Variants in ZNF224 observed in about 807,000 individuals in gnomAD.
ZNF224 encodes the protein zinc finger protein 224.
In ZNF224, 8 loss-of-function variants were observed where a neutral mutation model predicts 10.5. The observed-to-expected ratio is 0.76, with a 90% CI of 0.45 to 1.37. ZNF224 has a LOEUF of 1.37. Ranked by LOEUF, ZNF224 falls within the 40% of genes most tolerant of loss-of-function variation. The pLI, the probability that ZNF224 is intolerant of heterozygous loss-of-function variation, is 0.00. For missense variants in ZNF224, 754 were observed against 854.0 expected (o/e 0.88, Z 1.46); for synonymous variants, 282 against 287.8 (o/e 0.98, Z 0.20).
At position 44,107,857 on chromosome 19, in the gene ZNF224, A is replaced by T. The variant is rs1185086048; in HGVS notation, c.1697A>T (p.Lys566Ile). Reference sequence around the variant, plus strand: ...CATCAGAGACTGCACAGTGGAGAAAAACCATTCAAATGTGAAGAGTGTGGG... The same window carrying T: ...CATCAGAGACTGCACAGTGGAGAAATACCATTCAAATGTGAAGAGTGTGGG... ...LKHQRLHSGE[K>I]PFKCEECGKR... The change falls in exon 6 of 6, where the codon AAA (lysine) becomes ATA (isoleucine). Residue 566 changes from lysine to isoleucine, a missense_variant. By Grantham distance (102) the Lys-to-Ile change is moderately radical. Transcript: ENST00000693561. The T allele has an allele frequency of 6.2e-7, 1 of 1,601,764 alleles. No individual in the cohort carries two copies. The highest frequency in any genetic ancestry group is 8.5e-7 in the Non-Finnish European group (1 of 1,172,474).
At chr19:44,104,099 T>C (rs1967599338) in intron 5 of ZNF224, among the ~76,000 whole-genome samples, 2 of 152,178 alleles carry the variant, frequency 1.3e-5, no homozygotes, top group East Asian at 3.8e-4. Flanking sequence ...CACCTTTCAT[T>C]GTCTCATCAG....
Position 44,107,594 on chromosome 19 carries a change from C to CAGTGG in ZNF224, c.1437_1441dup (p.Glu481ValfsTer78), listed in dbSNP as rs780203346. On this transcript the variant is annotated frameshift_variant, in exon 6 of 6. Transcript: ENST00000693561. LOFTEE classifies it low-confidence loss of function (END_TRUNC). ...GTCTTTTGAAACATGAGAGACTCCA[C>CAGTGG]AGTGGAGAAAAACCATTCCAATGTG... is the stretch of plus-strand genomic sequence containing the variant. The CAGTGG allele has an allele frequency of 6.2e-7, 1 of 1,613,736 alleles. No individual in the cohort carries two copies. The highest frequency in any genetic ancestry group is 2.2e-5 in the East Asian group (1 of 44,888).
Position 44,106,430 on chromosome 19 carries a change from A to G in ZNF224, c.270A>G (p.Ser90=). Residue 90 remains serine (S), a synonymous_variant, in exon 6 of 6, where the codon TCA becomes TCG. Transcript: ENST00000693561. The part of the protein sequence containing the change: ...DKIQTEMETV[S]EAGTHQEWSF... ...TCCAAACTGAGATGGAGACTGTTTC[A>G]GAAGCAGGAACACATCAAGAGTGGT... is the stretch of plus-strand genomic sequence containing the variant. 6.2e-7 allele frequency: 1 copy of G among 1,614,184 alleles called. No individual in the cohort carries two copies. The highest frequency in any genetic ancestry group is 8.5e-7 in the Non-Finnish European group (1 of 1,180,018).
Position 44,108,006 on chromosome 19 carries a change from A to C in ZNF224, c.1846A>C (p.Arg616=), listed in dbSNP as rs760112332. ...SWSSTRLTHQ[R]RHSRETPLKC... ...GTCCTCAACTCGTCTGACCCATCAG[A>C]GACGCCACAGCAGAGAAACACCTCT... Residue 616 remains arginine (R), a synonymous_variant, in exon 6 of 6, where the codon AGA becomes CGA. Transcript: ENST00000693561. The C allele has an allele frequency of 6.2e-7, 1 of 1,614,238 alleles. No individual in the cohort carries two copies. Among genetic ancestry groups the C allele is most frequent in the Non-Finnish European group, 8.5e-7 (1 of 1,180,036 alleles).
chr19:44,104,864 A>T (rs867744563), intron 5 of ZNF224, among the ~76,000 whole-genome samples: 20 of 152,056 alleles, frequency 1.3e-4, no homozygotes, highest in African/African-American at 4.8e-4. Flanking sequence ...GTGTTTCACC[A>T]TGTTAGCCAG....
Position 44,109,248 on chromosome 19 carries a change from CTAG to C in ZNF224, c.*965_*967del, listed in dbSNP as rs1173295668. The C allele has an allele frequency of 6.6e-6, 1 of 151,968 alleles. No individual in the cohort carries two copies. The highest frequency in any genetic ancestry group is 1.5e-5 in the Non-Finnish European group (1 of 68,048). 9.4% of individuals were successfully genotyped at this position (151,968 alleles called of 1,614,324 possible). ...TTGACAGAAATTTTCTTAGTCAATC[CTAG>C]ATTGATCATGATTTGTGATTTCTAT... On this transcript the variant is annotated 3_prime_UTR_variant, in exon 6 of 6. Coordinates refer to ENST00000693561, the MANE Select transcript of ZNF224 (RefSeq NM_001321645.3).
chr19:44,101,889 C>T (rs1199959757), intron 5 of ZNF224, among the ~76,000 whole-genome samples: 1 of 152,180 alleles, frequency 6.6e-6, no homozygotes, highest in Non-Finnish European at 1.5e-5. Context: ...CAGCAACTTG[C>T]ATCCCCATAG....
chr19:44,107,304 AG>A lies in ZNF224; in HGVS notation c.1145del (p.Arg382AsnfsTer7). ...TTGTAAAGAGTGTGGGAAGAGCTTCAGATGGGCCTCGTGTCTTTTGAAACAT... is the reference window on the plus strand; with the variant it reads ...TTGTAAAGAGTGTGGGAAGAGCTTCAATGGGCCTCGTGTCTTTTGAAACAT... ...YNCKECGKSF[R>X]WASCLLKHQR... is the part of the protein sequence containing the mutation. On this transcript the variant is annotated frameshift_variant, in exon 6 of 6. Transcript: ENST00000693561. LOFTEE classifies it low-confidence loss of function (END_TRUNC). 6.3e-7 allele frequency: 1 copy of A among 1,585,766 alleles called. No homozygotes were observed. The highest frequency in any genetic ancestry group is 1.3e-5 in the African/African-American group (1 of 74,168).
chr19:44,097,142 G>A, intron 2 of ZNF224: 1 of 178,520 alleles, frequency 5.6e-6, no homozygotes, highest in Non-Finnish European at 1.2e-5. Flanking sequence ...AACATTATTA[G>A]TGGGCATTCA....
At chr19:44,096,758 C>A (rs1461140579) in intron 2 of ZNF224, among the ~76,000 whole-genome samples, 1 of 152,140 alleles carries the variant, frequency 6.6e-6, no homozygotes, top group African/African-American at 2.4e-5. Flanking sequence ...AATCTTTAAT[C>A]TTGAGGATTC....
At position 44,109,081 on chromosome 19, in the gene ZNF224, C is replaced by T. The variant is rs1967772495; in HGVS notation, c.*797C>T. The T allele has an allele frequency of 6.2e-6, 1 of 162,482 alleles. No individual in the cohort carries two copies. Among genetic ancestry groups the T allele is most frequent in the African/African-American group, 2.4e-5 (1 of 41,520 alleles). 10.1% of individuals were successfully genotyped at this position (162,482 alleles called of 1,614,324 possible). A position where few individuals can be genotyped will look rare whatever the true frequency, so the allele number is the denominator to read the frequency against. On this transcript the variant is annotated 3_prime_UTR_variant, in exon 6 of 6. Coordinates refer to ENST00000693561, the MANE Select transcript of ZNF224 (RefSeq NM_001321645.3). Reference sequence around the variant, plus strand: ...TTGTATACGGTATAAATTTAATTATCTTTTGTAGTTTTTCTCACAGTATAG... The same window carrying T: ...TTGTATACGGTATAAATTTAATTATTTTTTGTAGTTTTTCTCACAGTATAG...
chr19:44,106,373 C>G, intron 5 of ZNF224, 23 bp from the exon 6 acceptor site: 1 of 1,613,026 alleles, frequency 6.2e-7, no homozygotes, highest in Non-Finnish European at 8.5e-7. Context: ...TTGTCCTCAT[C>G]TTTTAATTCT....
At chr19:44,102,195 CTTCTGGCATCTCCTTCAG>C (rs528867414) in intron 5 of ZNF224, among the ~76,000 whole-genome samples, 5 of 152,196 alleles carry the variant, frequency 3.3e-5, no homozygotes, top group Non-Finnish European at 7.3e-5. Context: ...ACCTCAAAAC[CTTCTGGCATCTCCTTCAG>C]TTATTCAAGT....
At chr19:44,102,458 A>G (rs899128100) in intron 5 of ZNF224, among the ~76,000 whole-genome samples, 4 of 152,186 alleles carry the variant, frequency 2.6e-5, no homozygotes, top group African/African-American at 9.7e-5. Context: ...TGTTAACCTG[A>G]TATATGAGCT....
rs151315821 is a variant in ZNF224 at position 44,107,744 on chromosome 19, T to C, written c.1584T>C (p.Asp528=). The C allele has an allele frequency of 1.5e-3, 2,382 of 1,612,828 alleles. 43 individuals are homozygous for C. In the African/African-American group the frequency reaches 0.029, roughly 19 times the overall value. Residue 528 remains aspartate, a synonymous_variant, in exon 6 of 6, where the codon GAT becomes GAC. Transcript: ENST00000693561. ...GKGYNSKFNL[D]MHQKVHTGER... ...GCTACAATAGTAAGTTTAATCTTGA[T>C]ATGCACCAGAAGGTCCACACAGGAG...
intron 5 of ZNF224, among the ~76,000 whole-genome samples, chr19:44,104,308 ATAT>A (rs139277311): frequency 0.033 from 5,016 of 152,268 alleles, 261 homozygotes; most frequent in African/African-American, 0.11. Flanking sequence ...TAGGCCTTTG[ATAT>A]TATTGTGAAG....
Position 44,107,774 on chromosome 19 carries a change from A to G in ZNF224, c.1614A>G (p.Arg538=), listed in dbSNP as rs1250609571. Residue 538 remains arginine, a synonymous_variant, in exon 6 of 6, where the codon AGA becomes AGG. Coordinates refer to ENST00000693561, the MANE Select transcript of ZNF224 (RefSeq NM_001321645.3). ...DMHQKVHTGE[R]PYNCKECGKS... Reference sequence around the variant, plus strand: ...ACCAGAAGGTCCACACAGGAGAGAGACCATACAATTGTAAGGAATGTGGGA... The same window carrying G: ...ACCAGAAGGTCCACACAGGAGAGAGGCCATACAATTGTAAGGAATGTGGGA... 6.2e-7 allele frequency: 1 copy of G among 1,601,048 alleles called. No individual in the cohort carries two copies. Among genetic ancestry groups the G allele is most frequent in the Admixed American group, 1.7e-5 (1 of 58,858 alleles).
chr19:44,105,474 T>A (rs1967636484), intron 5 of ZNF224: 1 of 152,212 alleles, frequency 6.6e-6, no homozygotes. Context: ...ATAATGTTTG[T>A]ATCATATTAA....
In ZNF224 at chr19:44,109,816, T is replaced by G. The variant is rs1967793413; in HGVS notation, c.*1532T>G. The G allele has an allele frequency of 6.6e-6, 1 of 152,248 alleles. No homozygotes were observed. The highest frequency in any genetic ancestry group is 6.5e-5 in the Admixed American group (1 of 15,284). The allele number at this position is 152,248 out of a possible 1,614,324, so 9.4% of individuals were successfully genotyped here. ...CATAACCTAATCAAATAAATATCTT[T>G]GTGTGTTTTATGTTCTTTTGAGTGT... On this transcript the variant is annotated 3_prime_UTR_variant, in exon 6 of 6. Transcript: ENST00000693561.
Sources: allele counts gnomAD v4.1 joint callset (sites outside exome capture counted in the v4.1 genomes callset), GRCh38; gene constraint gnomAD v4.1.1; transcripts MANE v1.5; gene names NCBI Gene and HGNC (gene_info 2026-07-23, HGNC 2026-07-21).